The following ERC1 variants were observed in gnomAD, a reference collection of about 807,000 sequenced individuals.
ERC1 encodes the protein RAB6 interacting protein 2.
In ERC1, 56 loss-of-function variants were observed where a neutral mutation model predicts 132.0. The ratio of observed to expected loss-of-function variants is 0.42; its 90% CI spans 0.34 to 0.53. ERC1 has a LOEUF of 0.53. Ranked by LOEUF, ERC1 falls within the 20% of genes least tolerant of loss-of-function variation. The pLI, the probability that ERC1 is intolerant of heterozygous loss-of-function variation, is 0.03. For synonymous variants in ERC1, 478 were observed against 476.1 expected, an observed-to-expected ratio of 1.00 and a Z score of -0.05; for missense variants, 1,202 against 1,349.9, an observed-to-expected ratio of 0.89 and a Z score of 1.72.
intron 12 of ERC1, among the ~76,000 whole-genome samples, chr12:1,191,851 GAA>G (rs748858506): frequency 1.0e-4 from 14 of 136,998 alleles, no homozygotes; most frequent in Non-Finnish European, 1.3e-4. Context: ...TTGGCTACTG[GAA>G]AAAAAAAAAA....
intron 8 of ERC1, among the ~76,000 whole-genome samples, chr12:1,178,808 C>T (rs73041069): frequency 0.1 from 15,888 of 152,110 alleles, 1,198 homozygotes; most frequent in African/African-American, 0.19. Context: ...TTTGTTCAGT[C>T]ACTCATTCCC....
At chr12:1,202,494 A>C (rs574226644) in intron 12 of ERC1, among the ~76,000 whole-genome samples, 125 of 152,154 alleles carry the variant, frequency 8.2e-4, no homozygotes, top group African/African-American at 3.0e-3. Context: ...TCGTCTCTAC[A>C]AAAAATACAA....
chr12:1,161,720 G>T (rs1430430308), intron 8 of ERC1, among the ~76,000 whole-genome samples: 1 of 152,112 alleles, frequency 6.6e-6, no homozygotes, highest in African/African-American at 2.4e-5. Context: ...CTGTAGAGAT[G>T]CCTTAATTCT....
intron 7 of ERC1, among the ~76,000 whole-genome samples, chr12:1,128,788 G>C (rs1047332570): frequency 1.3e-5 from 2 of 152,014 alleles, no homozygotes; most frequent in Admixed American, 6.5e-5. Context: ...AACCAACCGG[G>C]TTATAAAAGA....
At chr12:1,212,552 T>G (rs1957976163) in intron 12 of ERC1, among the ~76,000 whole-genome samples, 1 of 152,190 alleles carries the variant, frequency 6.6e-6, no homozygotes, top group African/African-American at 2.4e-5. Flanking sequence ...TGCAGGAATT[T>G]TTCTTAGTTC....
intron 2 of ERC1, among the ~76,000 whole-genome samples, chr12:1,069,767 A>G (rs1939981756): frequency 1.3e-5 from 2 of 152,212 alleles, no homozygotes; most frequent in Admixed American, 1.3e-4. Flanking sequence ...AAATTTATGA[A>G]TATTCATATT....
At chr12:1,024,427 C>T (rs1025034101) in intron 1 of ERC1, among the ~76,000 whole-genome samples, 1 of 152,098 alleles carries the variant, frequency 6.6e-6, no homozygotes, top group African/African-American at 2.4e-5. Flanking sequence ...CCCGCTCCCC[C>T]CACAGGTTTG....
chr12:1,098,796 T>C (rs1342245002), intron 3 of ERC1, among the ~76,000 whole-genome samples: 2 of 152,248 alleles, frequency 1.3e-5, no homozygotes, highest in Non-Finnish European at 2.9e-5. Context: ...ATTTCCGTTG[T>C]ATTTTAAACC....
intron 15 of ERC1, among the ~76,000 whole-genome samples, chr12:1,360,044 A>G (rs907546610): frequency 3.3e-5 from 5 of 152,208 alleles, no homozygotes; most frequent in Non-Finnish European, 7.3e-5. Flanking sequence ...AGTAAATACC[A>G]AATGAGCAGA....
intron 1 of ERC1, among the ~76,000 whole-genome samples, chr12:1,010,949 A>G (rs964512050): frequency 5.3e-5 from 8 of 152,188 alleles, no homozygotes; most frequent in African/African-American, 1.9e-4. Flanking sequence ...CACAGTGTGT[A>G]CTAGGAAACC....
At chr12:1,016,163 G>A (rs1339027396) in intron 1 of ERC1, among the ~76,000 whole-genome samples, 1 of 151,796 alleles carries the variant, frequency 6.6e-6, no homozygotes, top group Non-Finnish European at 1.5e-5. Flanking sequence ...ATTACATCAG[G>A]TTGGACTAGT....
chr12:1,386,062 CAG>C (rs1161238832), intron 16 of ERC1: 1 of 103,362 alleles, frequency 9.7e-6, no homozygotes, highest in Non-Finnish European at 1.8e-5. Context: ...TTTTTTGAGA[CAG>C]AGTCTTGCTC....
Position 1,082,502 on chromosome 12 carries a change from TTTTTAAG to T in ERC1, c.670-661_670-655del, listed in dbSNP as rs1211366116. Among the ~76,000 whole-genome samples the T allele has an allele frequency of 2.5e-3, 368 of 147,180 alleles. 1 individual carries two copies. Among genetic ancestry groups the T allele is most frequent in the South Asian group, 4.1e-3 (19 of 4,624 alleles). The stretch of plus-strand genomic sequence containing the variant: ...AAAAAAAATTTTTTTTTTTTTTTTT[TTTTTAAG>T]ACAGAGTTTCACTCTTGTTGCCCAG... On this transcript the variant is annotated intron_variant, in intron 2 of 18. Transcript: ENST00000360905.
intron 2 of ERC1, among the ~76,000 whole-genome samples, chr12:1,073,005 A>C (rs1292405103): frequency 6.6e-6 from 1 of 152,144 alleles, no homozygotes; most frequent in Non-Finnish European, 1.5e-5. Flanking sequence ...TAAATACTTT[A>C]AAAATAAATT....
intron 14 of ERC1, among the ~76,000 whole-genome samples, chr12:1,274,480 T>TTTATTTATTTA (rs1555340355): frequency 8.7e-5 from 13 of 150,224 alleles, no homozygotes; most frequent in African/African-American, 3.2e-4. Flanking sequence ...TTTTATTTTA[T>TTTATTTATTTA]TTTATTTATT....
rs72040785 is a variant in ERC1 at position 1,007,460 on chromosome 12, TTCTCTCTCTCTCTCTC to T, written c.-157+16156_-157+16171del. Reference sequence around the variant, plus strand: ...AGCTTTAACAGGACTGGGTAATTCATTCTCTCTCTCTCTCTCTCTCTCTCTCTCTCTCTTTCTCTCT... The same window carrying T: ...AGCTTTAACAGGACTGGGTAATTCATTCTCTCTCTCTCTCTCTTTCTCTCT... On this transcript the variant is annotated intron_variant, in intron 1 of 18. Transcript: ENST00000360905. 2.7e-3 allele frequency among the ~76,000 whole-genome samples: 367 copies of T among 135,056 alleles called. 4 individuals carry two copies. The highest frequency in any genetic ancestry group is 1.0e-2 in the African/African-American group (354 of 35,456). 88.6% of individuals were successfully genotyped at this position (135,056 alleles called of 152,430 possible). A position where few individuals can be genotyped will look rare whatever the true frequency, so the allele number is the denominator to read the frequency against.
chr12:1,309,436 C>T (rs556356959), intron 15 of ERC1, among the ~76,000 whole-genome samples: 2 of 152,206 alleles, frequency 1.3e-5, no homozygotes, highest in Admixed American at 6.5e-5. Context: ...TTGATGACAT[C>T]TTAGTTTAGG....
chr12:1,126,700 A>G (rs1948194583), intron 7 of ERC1, among the ~76,000 whole-genome samples: 1 of 152,062 alleles, frequency 6.6e-6, no homozygotes, highest in African/African-American at 2.4e-5. Flanking sequence ...TAAAAAAGAG[A>G]TGCTTGAGGC....
At chr12:1,284,687 G>A (rs1001428880) in intron 14 of ERC1, among the ~76,000 whole-genome samples, 6 of 152,098 alleles carry the variant, frequency 3.9e-5, no homozygotes, top group African/African-American at 1.4e-4. Context: ...TGGTTTGAGG[G>A]AGAGACAGTG....
Sources: allele counts gnomAD v4.1 joint callset (sites outside exome capture counted in the v4.1 genomes callset), GRCh38; gene constraint gnomAD v4.1.1; transcripts MANE v1.5; gene names NCBI Gene and HGNC (gene_info 2026-07-23, HGNC 2026-07-21).